The following HSPA8 variants were observed in gnomAD, a reference collection of about 807,000 sequenced individuals.
HSPA8 encodes the protein heat shock cognate 71 kDa protein.
Under a neutral mutation model 52.8 loss-of-function variants are expected in HSPA8, and 2 were observed. The observed-to-expected ratio is 0.04, with a 90% CI of 0.02 to 0.12. The LOEUF is 0.12. Among genes scored for constraint, HSPA8 ranks in the 10% least tolerant of loss-of-function variants. The probability of loss-of-function intolerance (pLI) is 1.00; values close to 1 mark genes in which losing one functional copy is unlikely to be tolerated. For synonymous variants in HSPA8, 436 were observed against 274.0 expected (o/e 1.59, Z -5.84); for missense variants, 349 against 800.5 (o/e 0.44, Z 6.81).
At position 123,059,990 on chromosome 11, in the gene HSPA8, T is replaced by C. The variant is rs1347414056; in HGVS notation, c.603A>G (p.Gly201=). ...AERNVLIFDL[G]GGTFDVSILT... ...GGATTGACACATCAAAAGTGCCACCTCCCAGGTCAAAGATGAGCACGTTTC... is the reference window on the plus strand; with the variant it reads ...GGATTGACACATCAAAAGTGCCACCCCCCAGGTCAAAGATGAGCACGTTTC... Residue 201 remains glycine (G), a synonymous_variant, in exon 5 of 9, where the codon GGA becomes GGG. Coordinates refer to ENST00000534624, the MANE Select transcript of HSPA8 (RefSeq NM_006597.6). 6.2e-7 allele frequency: 1 copy of C among 1,613,922 alleles called. No individual in the cohort carries two copies. Among genetic ancestry groups the C allele is most frequent in the Admixed American group, 1.7e-5 (1 of 59,982 alleles).
At chr11:123,061,013 T>G (rs934474485) in intron 2 of HSPA8, 107 bp downstream of exon 2, 2 of 1,011,720 alleles carry the variant, frequency 2.0e-6, no homozygotes, top group Non-Finnish European at 3.0e-6. Flanking sequence ...AACAAGTCTC[T>G]CAGCTCAGTT....
chr11:123,059,042 G>T lies in HSPA8; in HGVS notation c.1323+17C>A, dbSNP rs748181328. The T allele has an allele frequency of 6.2e-7, 1 of 1,603,180 alleles. No homozygotes were observed. The highest frequency in any genetic ancestry group is 8.5e-7 in the Non-Finnish European group (1 of 1,171,046). On this transcript the variant is annotated intron_variant, in intron 6 of 8. Transcript: ENST00000534624. ...TCTGTTATCAGTAAGCCAAACAAGA[G>T]AAGTACAGAAACATACCTGAATAAG...
intron 1 of HSPA8, chr11:123,061,788 C>G (rs1326734536): frequency 6.0e-6 from 1 of 166,328 alleles, no homozygotes; most frequent in Non-Finnish European, 1.3e-5. Flanking sequence ...GCCAGGCAAA[C>G]CGATGCAGCA....
chr11:123,061,422 C>G, intron 1 of HSPA8, 93 bp from the exon 2 acceptor site: 1 of 948,322 alleles, frequency 1.1e-6, no homozygotes. Context: ...AAACGTATGG[C>G]CACTGCCAAG....
At position 123,057,549 on chromosome 11, in the gene HSPA8, A is replaced by G. The variant is rs1416810735; in HGVS notation, c.*185T>C. On this transcript the variant is annotated 3_prime_UTR_variant, in exon 9 of 9. Coordinates refer to ENST00000534624, the MANE Select transcript of HSPA8 (RefSeq NM_006597.6). ...ACATTGCATTTTCCACTTACAATAC[A>G]GTGTTTATAAAGTGCAATGTTATTT... 5 of 509,998 alleles carry G rather than the reference A, an allele frequency of 9.8e-6. No homozygotes were observed. The highest frequency in any genetic ancestry group is 1.7e-5 in the Non-Finnish European group (5 of 290,766). 31.6% of individuals were successfully genotyped at this position (509,998 alleles called of 1,614,324 possible). A position where few individuals can be genotyped will look rare whatever the true frequency, so the allele number is the denominator to read the frequency against.
At position 123,060,044 on chromosome 11, in the gene HSPA8, A is replaced by G. The variant is rs764537309; in HGVS notation, c.565-16T>C. The G allele has an allele frequency of 3.1e-6, 5 of 1,614,096 alleles. No individual in the cohort carries two copies. Among genetic ancestry groups the G allele is most frequent in the Non-Finnish European group, 4.2e-6 (5 of 1,179,964 alleles). On this transcript the variant is annotated splice_polypyrimidine_tract_variant and intron_variant, in intron 4 of 8. Transcript: ENST00000534624. ...CTGCTCCAACCTGCCGTTAAAAACA[A>G]TCTCATTTAAATTTACGATGGATCA...
chr11:123,060,048 C>T lies in HSPA8; in HGVS notation c.565-20G>A, dbSNP rs199546915. The T allele has an allele frequency of 2.5e-6, 4 of 1,613,972 alleles. No homozygotes were observed. Among genetic ancestry groups the T allele is most frequent in the South Asian group, 2.2e-5 (2 of 91,074 alleles). On this transcript the variant is annotated intron_variant, in intron 4 of 8. Transcript: ENST00000534624. The stretch of plus-strand genomic sequence containing the variant: ...TCCAACCTGCCGTTAAAAACAATCT[C>T]ATTTAAATTTACGATGGATCAAATT...
chr11:123,057,954 T>C (rs371747225), intron 8 of HSPA8, 35 bp from the exon 9 acceptor site: 247 of 1,512,534 alleles, frequency 1.6e-4, no homozygotes, highest in Non-Finnish European at 2.1e-4. Flanking sequence ...TGCAAGTTCT[T>C]TTAATGTTAA....
rs1046576330 is a variant in HSPA8 at position 123,061,625 on chromosome 11, G to A, written c.-5-296C>T. 2.7e-5 allele frequency: 12 copies of A among 443,114 alleles called. No individual in the cohort carries two copies. The East Asian group carries it at 3.1e-4, about 11-fold the overall frequency. 27.4% of individuals were successfully genotyped at this position (443,114 alleles called of 1,614,324 possible). A position where few individuals can be genotyped will look rare whatever the true frequency, so the allele number is the denominator to read the frequency against. ...ACTGTCTGTTCCCCTCCCTCGCCAG[G>A]TGCCAGTGCCCCCGGGAGTCAACGG... On this transcript the variant is annotated intron_variant, in intron 1 of 8. Transcript: ENST00000534624.
rs1420825439 is a variant in HSPA8 at position 123,058,308 on chromosome 11, T to G, written c.1699A>C (p.Lys567Gln). ...TTACACTTGTCCAGAATCTTCTGTT[T>G]GTCCTCATCGTTAATCTTGCCTTGA... ...KLQGKINDED[K>Q]QKILDKCNEI... Residue 567 changes from lysine (K) to glutamine (Q), a missense_variant, in exon 8 of 9, where the codon AAA becomes CAA. Physicochemically the swap from Lys to Gln is moderately conservative, Grantham distance 53 (BLOSUM62 1). Transcript: ENST00000534624. 6.2e-7 allele frequency: 1 copy of G among 1,613,596 alleles called. No homozygotes were observed. Among genetic ancestry groups the G allele is most frequent in the African/African-American group, 1.3e-5 (1 of 74,908 alleles).
chr11:123,059,437 G>A (rs772645547), intron 5 of HSPA8, 36 bp downstream of exon 5: 2 of 1,563,314 alleles, frequency 1.3e-6, no homozygotes, highest in Non-Finnish European at 1.8e-6. Context: ...CCTTGGGCCT[G>A]CCTGCCTTTA....
rs1228883118 is a variant in HSPA8, at chr11:123,059,842, T to C, written c.751A>G (p.Lys251Glu). 5.6e-6 allele frequency: 9 copies of C among 1,613,488 alleles called. No individual in the cohort carries two copies. Among genetic ancestry groups the C allele is most frequent in the Non-Finnish European group, 6.8e-6 (8 of 1,179,882 alleles). The stretch of plus-strand genomic sequence containing the variant: ...GCTCTCTTGTTCTCACTGATGTCCT[T>C]CTTATGCTTGCGCTTAAACTCAGCA... ...FIAEFKRKHK[K>E]DISENKRAVR... is the part of the protein sequence containing the mutation. Residue 251 changes from lysine to glutamate, a missense_variant, in exon 5 of 9, where the codon AAG becomes GAG. Physicochemically the swap from Lys to Glu is moderately conservative, Grantham distance 56. Coordinates refer to ENST00000534624, the MANE Select transcript of HSPA8 (RefSeq NM_006597.6).
At position 123,059,951 on chromosome 11, in the gene HSPA8, A is replaced by G. The variant is rs1865442176; in HGVS notation, c.642T>C (p.Asp214=). The change falls in exon 5 of 9, where the codon GAT becomes GAC. Residue 214 remains aspartate, a synonymous_variant. Transcript: ENST00000534624. ...CTGTAGACTTGACCTCAAAGATTCCATCCTCAATAGTGAGGATTGACACAT... is the reference window on the plus strand; with the variant it reads ...CTGTAGACTTGACCTCAAAGATTCCGTCCTCAATAGTGAGGATTGACACAT... ...TFDVSILTIE[D]GIFEVKSTAG... 6.2e-7 allele frequency: 1 copy of G among 1,613,986 alleles called. No individual in the cohort carries two copies. The highest frequency in any genetic ancestry group is 1.3e-5 in the African/African-American group (1 of 74,912).
chr11:123,060,291 A>G (rs1865452439), intron 3 of HSPA8, 23 bp from the exon 4 acceptor site: 4 of 1,609,590 alleles, frequency 2.5e-6, no homozygotes, highest in South Asian at 1.1e-5. Context: ...AAAAGACCAC[A>G]GATTGGTAAC....
Position 123,059,629 on chromosome 11 carries a change from G to T in HSPA8, c.964C>A (p.Arg322=), listed in dbSNP as rs1204873377. Residue 322 remains arginine (R), a synonymous_variant, in exon 5 of 9, where the codon CGA becomes AGA. Coordinates refer to ENST00000534624, the MANE Select transcript of HSPA8 (RefSeq NM_006597.6). ...GTLDPVEKAL[R]DAKLDKSQIH... ...TGTGACTTGTCTAGTTTGGCATCTC[G>T]AAGGGCTTTCTCTACTGGGTCCAGG... The T allele has an allele frequency of 1.2e-6, 2 of 1,614,018 alleles. No individual in the cohort carries two copies. The highest frequency in any genetic ancestry group is 1.7e-5 in the Admixed American group (1 of 59,994).
rs1865374116 is a variant in HSPA8 at position 123,058,237 on chromosome 11, A to AAC, written c.1755+14_1755+15insGT. 3 of 1,503,150 alleles carry AAC rather than the reference A, an allele frequency of 2.0e-6. No individual in the cohort carries two copies. The highest frequency in any genetic ancestry group is 2.7e-6 in the Non-Finnish European group (3 of 1,095,484). The allele number at this position is 1,503,150 out of a possible 1,614,324, so 93.1% of individuals were successfully genotyped here. ...ATTGAGTGGGGGAGGAAAAAAAAAA[A>AAC]AAAAAAACACAAACCTGATTCTTAT... On this transcript the variant is annotated intron_variant, in intron 8 of 8. Coordinates refer to ENST00000534624, the MANE Select transcript of HSPA8 (RefSeq NM_006597.6).
chr11:123,061,063 CTT>C (rs1179588605), intron 2 of HSPA8, 55 bp downstream of exon 2: 1 of 1,478,188 alleles, frequency 6.8e-7, no homozygotes, highest in Non-Finnish European at 9.4e-7. Flanking sequence ...GTTTCATAAA[CTT>C]TTGTGCTTCC....
Position 123,057,695 on chromosome 11 carries a change from T to G in HSPA8, c.*39A>C. The stretch of plus-strand genomic sequence containing the variant: ...ACGAATTTAGGTCCTTCAAATGTTT[T>G]AAATGTGTGGAACAATGCTACATCT... On this transcript the variant is annotated 3_prime_UTR_variant, in exon 9 of 9. Coordinates refer to ENST00000534624, the MANE Select transcript of HSPA8 (RefSeq NM_006597.6). 1 of 1,523,306 alleles carries G rather than the reference T, an allele frequency of 6.6e-7. No individual in the cohort carries two copies. The highest frequency in any genetic ancestry group is 8.9e-7 in the Non-Finnish European group (1 of 1,126,334). The allele number at this position is 1,523,306 out of a possible 1,614,324, so 94.4% of individuals were successfully genotyped here.
Position 123,060,689 on chromosome 11 carries a change from T to C in HSPA8, c.315A>G (p.Val105=). ...VNDAGRPKVQ[V]EYKGETKSFY... ...AGCTTTTGGTCTCTCCCTTGTATTCTACTTGGACCTTGGGCCTGCCAGCAT... is the reference window on the plus strand; with the variant it reads ...AGCTTTTGGTCTCTCCCTTGTATTCCACTTGGACCTTGGGCCTGCCAGCAT... Residue 105 remains valine, a synonymous_variant, in exon 3 of 9, where the codon GTA becomes GTG. Coordinates refer to ENST00000534624, the MANE Select transcript of HSPA8 (RefSeq NM_006597.6). The C allele has an allele frequency of 6.2e-7, 1 of 1,613,722 alleles. No individual in the cohort carries two copies. Among genetic ancestry groups the C allele is most frequent in the Non-Finnish European group, 8.5e-7 (1 of 1,179,688 alleles).
Sources: gnomAD v4.1 joint callset for allele counts on GRCh38, gnomAD v4.1.1 for gene constraint, MANE v1.5 for transcripts, NCBI Gene and HGNC (gene_info 2026-07-23, HGNC 2026-07-21) for gene names.